DPH6: variants seen among roughly 807,000 people sequenced by gnomAD.
The protein encoded by DPH6 is diphthine--ammonia ligase.
DPH6 carries 33 observed loss-of-function variants against 38.2 expected under a neutral mutation model. The ratio of observed to expected loss-of-function variants is 0.86; its 90% CI spans 0.65 to 1.15. The LOEUF is 1.15. Ranked by LOEUF, DPH6 falls within the 50% of genes most tolerant of loss-of-function variation. The probability of loss-of-function intolerance (pLI) is 0.00; values close to 1 mark genes in which losing one functional copy is unlikely to be tolerated. For synonymous variants in DPH6, 108 were observed against 103.0 expected, an observed-to-expected ratio of 1.05 and a Z score of -0.30; for missense variants, 325 against 320.0, an observed-to-expected ratio of 1.02 and a Z score of -0.12.
At chr15:35,452,115 G>A (rs1424387120) in intron 4 of DPH6, among the ~76,000 whole-genome samples, 1 of 151,190 alleles carries the variant, frequency 6.6e-6, no homozygotes, top group Non-Finnish European at 1.5e-5. Context: ...ACCCTGTTTA[G>A]TTCCTGCACT....
At chr15:35,387,681 C>T (rs1465774584) in intron 6 of DPH6, among the ~76,000 whole-genome samples, 2 of 152,074 alleles carry the variant, frequency 1.3e-5, no homozygotes, top group Non-Finnish European at 2.9e-5. Context: ...GTGACTTTTG[C>T]ACATTGATTT....
At chr15:35,325,539 T>C (rs1030060111) in intron 3 of DPH6, among the ~76,000 whole-genome samples, 2 of 152,082 alleles carry the variant, frequency 1.3e-5, no homozygotes, top group Non-Finnish European at 2.9e-5. Context: ...ACATAAAAGC[T>C]AAACCTAACC....
intron 5 of DPH6, among the ~76,000 whole-genome samples, chr15:35,449,928 T>A (rs1353758384): frequency 1.3e-5 from 2 of 152,098 alleles, no homozygotes; most frequent in African/African-American, 4.8e-5. Flanking sequence ...ATCTGCAAGG[T>A]AAACACTTTC....
intron 3 of DPH6, among the ~76,000 whole-genome samples, chr15:35,491,567 A>ACG (rs2054478843): frequency 6.6e-6 from 1 of 151,440 alleles, no homozygotes; most frequent in Non-Finnish European, 1.5e-5. Flanking sequence ...ACACACACAC[A>ACG]CACACACACA....
At chr15:35,173,891 T>C in the DPH6 span, among the ~76,000 whole-genome samples, 6 of 152,178 alleles carry the variant, frequency 3.9e-5, no homozygotes, top group Non-Finnish European at 7.3e-5. Context: ...GGTCTCTGAA[T>C]TGCACTGGTA....
At chr15:35,287,467 T>C (rs1299705060) in intron 3 of DPH6, among the ~76,000 whole-genome samples, 2 of 152,180 alleles carry the variant, frequency 1.3e-5, no homozygotes, top group African/African-American at 4.8e-5. Context: ...TTCTTCTTGA[T>C]CTACTTGTAA....
At chr15:35,432,947 T>C (rs1177860574) in intron 5 of DPH6, among the ~76,000 whole-genome samples, 1 of 152,016 alleles carries the variant, frequency 6.6e-6, no homozygotes, top group Non-Finnish European at 1.5e-5. Context: ...ACTAAATCAT[T>C]TAAACACCAA....
intron 5 of DPH6, among the ~76,000 whole-genome samples, chr15:35,433,319 G>A (rs1034350675): frequency 4.6e-5 from 7 of 152,102 alleles, no homozygotes; most frequent in Non-Finnish European, 7.4e-5. Flanking sequence ...ACTTGCTTTC[G>A]TTTGTTAGAA....
intron 3 of DPH6, among the ~76,000 whole-genome samples, chr15:35,496,567 A>AAAAAAAAAAAAAAATATATATATAT: frequency 3.2e-5 from 1 of 31,008 alleles, no homozygotes; most frequent in African/African-American, 1.4e-4. Context: ...AAAAAAAAAA[A>AAAAAAAAAAAAAAATATATATATAT]ATATATATAT....
At chr15:35,520,616 A>G (rs2054910365) in intron 3 of DPH6, 1 of 984,512 alleles carries the variant, frequency 1.0e-6, no homozygotes, top group Admixed American at 6.2e-5. Flanking sequence ...TTTTCCACTA[A>G]AAATAATGCA....
chr15:35,150,123 C>T, the DPH6 span, among the ~76,000 whole-genome samples: 1 of 152,278 alleles, frequency 6.6e-6, no homozygotes, highest in South Asian at 2.1e-4. Context: ...AACTGTTTTA[C>T]ATAAGGGACC....
chr15:35,410,794 C>A, intron 6 of DPH6, 41 bp downstream of exon 6: 1 of 1,534,186 alleles, frequency 6.5e-7, no homozygotes. Flanking sequence ...TTGTTTTCTC[C>A]TTTAGATGGC....
intron 6 of DPH6, among the ~76,000 whole-genome samples, chr15:35,385,855 T>TA (rs1215946746): frequency 1.3e-5 from 2 of 152,178 alleles, no homozygotes; most frequent in African/African-American, 2.4e-5. Flanking sequence ...CATTTTTTTT[T>TA]ATTATTATAC....
At chr15:35,543,694 C>T (rs2055299841) in intron 1 of DPH6, among the ~76,000 whole-genome samples, 2 of 152,056 alleles carry the variant, frequency 1.3e-5, no homozygotes, top group Admixed American at 1.3e-4. Flanking sequence ...CCATCAATAA[C>T]AACTCTCATT....
At chr15:35,477,111 T>C (rs1260125835) in intron 3 of DPH6, among the ~76,000 whole-genome samples, 1 of 151,882 alleles carries the variant, frequency 6.6e-6, no homozygotes, top group East Asian at 1.9e-4. Context: ...GAAATGATTA[T>C]TTTAGTTTTT....
At chr15:35,393,472 T>G (rs2053087136) in intron 6 of DPH6, among the ~76,000 whole-genome samples, 1 of 152,186 alleles carries the variant, frequency 6.6e-6, no homozygotes, top group South Asian at 2.1e-4. Flanking sequence ...ATGGTTTTTT[T>G]GTTTGTTTGT....
rs2052718851 is a variant in DPH6, at chr15:35,372,018, A to G, written c.*132T>C. ...ATAAATGGTTCCACTAACCTCTTCT[A>G]GTGAAAGTATGTTTCTCTAAAAAAA... On this transcript the variant is annotated 3_prime_UTR_variant, in exon 9 of 9. Transcript: ENST00000256538. 3 of 1,404,732 alleles carry G rather than the reference A, an allele frequency of 2.1e-6. No homozygotes were observed. The highest frequency in any genetic ancestry group is 2.8e-6 in the Non-Finnish European group (3 of 1,081,414). The allele number at this position is 1,404,732 out of a possible 1,614,324, so 87.0% of individuals were successfully genotyped here. A position where few individuals can be genotyped will look rare whatever the true frequency, so the allele number is the denominator to read the frequency against.
chr15:35,271,981 T>C (rs1460224157), intron 3 of DPH6, among the ~76,000 whole-genome samples: 1 of 152,204 alleles, frequency 6.6e-6, no homozygotes, highest in Non-Finnish European at 1.5e-5. Context: ...GTTTTCCTTA[T>C]TTATGAAATG....
chr15:35,344,135 T>C (rs902862479), intron 3 of DPH6, among the ~76,000 whole-genome samples: 2 of 152,028 alleles, frequency 1.3e-5, no homozygotes, highest in Non-Finnish European at 2.9e-5. Context: ...TTAAAAAATG[T>C]CTTTCTTTTT....
Sources: allele counts gnomAD v4.1 joint callset (sites outside exome capture counted in the v4.1 genomes callset), GRCh38; gene constraint gnomAD v4.1.1; transcripts MANE v1.5; gene names NCBI Gene and HGNC (gene_info 2026-07-23, HGNC 2026-07-21).